The following ROBO1 variants were observed in gnomAD, a reference collection of about 807,000 sequenced individuals.
The protein encoded by ROBO1 is roundabout homolog 1.
A neutral mutation model predicts 195.9 loss-of-function variants in ROBO1; 149 were observed. That is an observed-to-expected ratio of 0.76 (90% CI 0.67 to 0.87). The LOEUF (loss-of-function observed/expected upper bound fraction) is 0.87, where lower values mean the gene tolerates loss of function less well. Among genes scored for constraint, ROBO1 ranks in the 40% least tolerant of loss-of-function variants. The pLI is 0.00. For synonymous variants in ROBO1, 816 were observed against 733.2 expected (o/e 1.11, Z -1.82); for missense variants, 1,933 against 2,068.3 (o/e 0.93, Z 1.27).
chr3:79,004,719 A>G (rs2077581716), intron 3 of ROBO1, among the ~76,000 whole-genome samples: 1 of 152,172 alleles, frequency 6.6e-6, no homozygotes, highest in Admixed American at 6.6e-5. Context: ...AGATGTTAGA[A>G]AAGCCAGAGG....
intron 1 of ROBO1, among the ~76,000 whole-genome samples, chr3:79,759,489 G>T (rs1704578306): frequency 6.6e-6 from 1 of 152,080 alleles, no homozygotes; most frequent in Non-Finnish European, 1.5e-5. Flanking sequence ...CTTTGCTATA[G>T]TCCTATACAC....
intron 3 of ROBO1, among the ~76,000 whole-genome samples, chr3:79,071,791 G>A (rs1051349236): frequency 6.6e-6 from 1 of 151,390 alleles, no homozygotes; most frequent in African/African-American, 2.4e-5. Flanking sequence ...TGTATTCTCA[G>A]CAGCAGAGAC....
chr3:79,638,577 G>A (rs1945565102), intron 1 of ROBO1, among the ~76,000 whole-genome samples: 1 of 152,032 alleles, frequency 6.6e-6, no homozygotes. Flanking sequence ...ACCGTGCCCA[G>A]CCTTAATGGT....
chr3:78,981,453 T>C (rs1370674826), intron 3 of ROBO1, among the ~76,000 whole-genome samples: 1 of 152,176 alleles, frequency 6.6e-6, no homozygotes, highest in Non-Finnish European at 1.5e-5. Flanking sequence ...CTTGTTTTAA[T>C]TGTGGTAAAA....
intron 1 of ROBO1, among the ~76,000 whole-genome samples, chr3:79,748,956 C>T (rs144183631): frequency 2.4e-3 from 369 of 152,138 alleles, no homozygotes; most frequent in African/African-American, 8.5e-3. Context: ...TGAAAAGATA[C>T]ACAAAAAAAG....
intron 2 of ROBO1, among the ~76,000 whole-genome samples, chr3:79,440,072 A>C (rs904458405): frequency 6.6e-6 from 1 of 151,714 alleles, no homozygotes; most frequent in Non-Finnish European, 1.5e-5. Flanking sequence ...AAATCTGTCC[A>C]GTATTCTCTC....
At chr3:79,239,584 TG>T (rs1169242051) in intron 2 of ROBO1, among the ~76,000 whole-genome samples, 1 of 152,170 alleles carries the variant, frequency 6.6e-6, no homozygotes, top group East Asian at 1.9e-4. Flanking sequence ...CATCTGCAAA[TG>T]GGTTGTCAGT....
chr3:79,366,212 A>G (rs1336686797), intron 2 of ROBO1, among the ~76,000 whole-genome samples: 1 of 152,154 alleles, frequency 6.6e-6, no homozygotes. Context: ...AGGGTGATCG[A>G]ATAATGGATG....
chr3:79,697,998 T>C (rs543616616), intron 1 of ROBO1, among the ~76,000 whole-genome samples: 1 of 151,668 alleles, frequency 6.6e-6, no homozygotes, highest in East Asian at 1.9e-4. Context: ...AGATTTTTTA[T>C]TGAAAAATAA....
At chr3:78,951,567 A>T (rs1310929198) in intron 3 of ROBO1, among the ~76,000 whole-genome samples, 2 of 152,114 alleles carry the variant, frequency 1.3e-5, no homozygotes, top group Non-Finnish European at 2.9e-5. Flanking sequence ...TTTACAAAGG[A>T]ACTAGGATGA....
chr3:79,100,848 C>T (rs2079662529), intron 3 of ROBO1, among the ~76,000 whole-genome samples: 1 of 151,584 alleles, frequency 6.6e-6, no homozygotes, highest in Non-Finnish European at 1.5e-5. Context: ...CAGATGGGTC[C>T]CTTTGAAAAG....
chr3:79,641,031 T>G (rs1945643261), intron 1 of ROBO1, among the ~76,000 whole-genome samples: 1 of 152,146 alleles, frequency 6.6e-6, no homozygotes, highest in Non-Finnish European at 1.5e-5. Context: ...TGATCTTGTC[T>G]TGGTGGATTG....
chr3:79,757,265 C>T (rs752400979), intron 1 of ROBO1, among the ~76,000 whole-genome samples: 3 of 152,112 alleles, frequency 2.0e-5, no homozygotes, highest in South Asian at 2.1e-4. Context: ...TACCACTTCA[C>T]GTTTCCACCA....
At chr3:78,908,868 C>A (rs1250452648) in intron 4 of ROBO1, among the ~76,000 whole-genome samples, 2 of 151,780 alleles carry the variant, frequency 1.3e-5, no homozygotes, top group Non-Finnish European at 2.9e-5. Flanking sequence ...ACTTTGTCCA[C>A]CTTTCAATAT....
At chr3:79,056,128 GT>G in intron 3 of ROBO1, among the ~76,000 whole-genome samples, 1 of 152,082 alleles carries the variant, frequency 6.6e-6, no homozygotes, top group Non-Finnish European at 1.5e-5. Flanking sequence ...CTTAAAGATT[GT>G]TTTTTTCATC....
intron 1 of ROBO1, among the ~76,000 whole-genome samples, chr3:79,691,222 T>C (rs1947288200): frequency 6.6e-6 from 1 of 151,772 alleles, no homozygotes; most frequent in South Asian, 2.1e-4. Flanking sequence ...ATGCCAGATA[T>C]TTACAGCTAT....
chr3:79,141,357 T>A (rs978073714), intron 2 of ROBO1, among the ~76,000 whole-genome samples: 2 of 152,168 alleles, frequency 1.3e-5, no homozygotes, highest in Non-Finnish European at 2.9e-5. Flanking sequence ...ATTGTCTGCC[T>A]TTCTTAACCA....
rs1213174964 is a variant in ROBO1, at chr3:79,242,148, C to T, written c.89-116609G>A. On this transcript the variant is annotated intron_variant, in intron 2 of 30. Coordinates refer to ENST00000464233, the MANE Select transcript of ROBO1 (RefSeq NM_002941.4). ...ATAAGGGTAGGAATTGAAGCAGCTG[C>T]CTTAGAACAAGATGTGAAATTTCTG... Among the ~76,000 whole-genome samples, 5 of 151,742 alleles carry T rather than the reference C, an allele frequency of 3.3e-5. No homozygotes were observed. In the East Asian group the frequency reaches 9.7e-4, roughly 29 times the overall value.
At chr3:78,856,733 T>C (rs1238158534) in intron 4 of ROBO1, among the ~76,000 whole-genome samples, 1 of 151,588 alleles carries the variant, frequency 6.6e-6, no homozygotes, top group Non-Finnish European at 1.5e-5. Context: ...AAAAAAGTGT[T>C]TTCTTTTTAA....
Sources: gnomAD v4.1 joint callset for allele counts (sites outside exome capture counted in the v4.1 genomes callset) on GRCh38, gnomAD v4.1.1 for gene constraint, MANE v1.5 for transcripts, NCBI Gene and HGNC (gene_info 2026-07-23, HGNC 2026-07-21) for gene names.